Variants in ANO10 observed in about 807,000 individuals in gnomAD.
ANO10 encodes the protein anoctamin 10, also known as anoctamin-10.
ANO10 carries 77 observed loss-of-function variants against 74.7 expected under a neutral mutation model. The observed-to-expected ratio is 1.03, with a 90% CI of 0.86 to 1.25. The LOEUF (loss-of-function observed/expected upper bound fraction) is 1.25, where lower values mean the gene tolerates loss of function less well. Ranked by LOEUF, ANO10 falls within the 50% of genes most tolerant of loss-of-function variation. ANO10 has a pLI of 0.00. For synonymous variants in ANO10, 279 were observed against 284.9 expected (o/e 0.98, Z 0.21); for missense variants, 721 against 778.1 (o/e 0.93, Z 0.87).
intron 11 of ANO10, among the ~76,000 whole-genome samples, chr3:43,497,712 T>C (rs2076964816): frequency 6.6e-6 from 1 of 152,148 alleles, no homozygotes; most frequent in Non-Finnish European, 1.5e-5. Flanking sequence ...AACCTTCCTA[T>C]GCCTGTGGTT....
chr3:43,517,807 C>T (rs1258832593), intron 11 of ANO10, among the ~76,000 whole-genome samples: 1 of 152,106 alleles, frequency 6.6e-6, no homozygotes, highest in Admixed American at 6.6e-5. Context: ...ATTGGTTTAC[C>T]TTGGTTAACA....
At chr3:43,441,316 C>T (rs998228148) in intron 11 of ANO10, among the ~76,000 whole-genome samples, 27 of 151,300 alleles carry the variant, frequency 1.8e-4, no homozygotes, top group African/African-American at 5.3e-4. Context: ...GACTCATATA[C>T]CAAAAATCAG....
intron 3 of ANO10, 104 bp from the exon 4 acceptor site, chr3:43,598,770 A>G (rs956632987): frequency 1.1e-6 from 1 of 883,902 alleles, no homozygotes. Context: ...AGCAATTAAC[A>G]TAAGAAGTAA....
intron 11 of ANO10, among the ~76,000 whole-genome samples, chr3:43,501,591 G>C (rs2077102024): frequency 6.6e-6 from 1 of 152,168 alleles, no homozygotes; most frequent in Non-Finnish European, 1.5e-5. Context: ...GCAAAGGGAA[G>C]AGAGGTTGAA....
intron 11 of ANO10, among the ~76,000 whole-genome samples, chr3:43,472,158 A>G (rs989743980): frequency 6.6e-6 from 1 of 152,220 alleles, no homozygotes; most frequent in African/African-American, 2.4e-5. Flanking sequence ...TATGTACTAT[A>G]TGATTCCATT....
intron 11 of ANO10, among the ~76,000 whole-genome samples, chr3:43,542,273 A>C (rs4682892): frequency 0.22 from 33,812 of 152,126 alleles, 4,297 homozygotes; most frequent in Middle Eastern, 0.36. Flanking sequence ...AGTCAGAATC[A>C]GCAAGTCTTG....
intron 11 of ANO10, chr3:43,485,209 G>T: frequency 2.9e-6 from 2 of 683,312 alleles, no homozygotes; most frequent in Admixed American, 2.1e-5. Flanking sequence ...CGGTATTGCC[G>T]GTACATGTTG....
chr3:43,525,034 C>T (rs2078128607), intron 11 of ANO10, among the ~76,000 whole-genome samples: 1 of 152,164 alleles, frequency 6.6e-6, no homozygotes, highest in South Asian at 2.1e-4. Context: ...CCAAGTTGAG[C>T]AAGACAAGGG....
At chr3:43,394,311 C>T (rs952828789) in intron 12 of ANO10, among the ~76,000 whole-genome samples, 1 of 152,130 alleles carries the variant, frequency 6.6e-6, no homozygotes, top group Non-Finnish European at 1.5e-5. Flanking sequence ...GCCTGGCAGG[C>T]AGCCACCCCT....
intron 11 of ANO10, among the ~76,000 whole-genome samples, chr3:43,542,094 T>C (rs920704458): frequency 9.8e-5 from 15 of 152,296 alleles, no homozygotes; most frequent in Admixed American, 2.0e-4. Context: ...GTAAAAAAGA[T>C]CTGCTGTAAA....
At chr3:43,634,965 AGAAG>A (rs1048438856) in intron 1 of ANO10, among the ~76,000 whole-genome samples, 2 of 152,132 alleles carry the variant, frequency 1.3e-5, no homozygotes, top group African/African-American at 4.8e-5. Flanking sequence ...CATTCCAGGA[AGAAG>A]GAAGACATGA....
At chr3:43,664,447 A>G (rs55962529) in intron 1 of ANO10, among the ~76,000 whole-genome samples, 11 of 152,330 alleles carry the variant, frequency 7.2e-5, no homozygotes, top group Non-Finnish European at 1.3e-4. Context: ...AACCTGGGCA[A>G]TACCATTCAG....
At chr3:43,428,025 C>T (rs1010549304) in intron 12 of ANO10, among the ~76,000 whole-genome samples, 13 of 151,532 alleles carry the variant, frequency 8.6e-5, no homozygotes, top group South Asian at 6.2e-4. Flanking sequence ...TTGTTACATA[C>T]GATATCTTTG....
upstream of ANO10, among the ~76,000 whole-genome samples, chr3:43,622,319 A>G (rs967471806): frequency 2.0e-5 from 3 of 152,100 alleles, no homozygotes; most frequent in South Asian, 6.2e-4. Context: ...TCCGGACGGC[A>G]GCGGGAGAGG....
chr3:43,493,218 T>C (rs974390421), intron 11 of ANO10, among the ~76,000 whole-genome samples: 3 of 151,788 alleles, frequency 2.0e-5, no homozygotes, highest in Non-Finnish European at 4.4e-5. Context: ...TAAGTGGGAG[T>C]TGAACAATGA....
chr3:43,449,900 C>T (rs1055272731), intron 11 of ANO10, among the ~76,000 whole-genome samples: 5 of 152,146 alleles, frequency 3.3e-5, no homozygotes, highest in Non-Finnish European at 7.3e-5. Context: ...AATAGAGAAT[C>T]CTCCCATCCA....
chr3:43,655,745 CCT>C (rs1223849368), intron 1 of ANO10, among the ~76,000 whole-genome samples: 1 of 151,932 alleles, frequency 6.6e-6, no homozygotes, highest in Non-Finnish European at 1.5e-5. Context: ...ATTCACAAAC[CCT>C]GAGCTAGACA....
intron 11 of ANO10, among the ~76,000 whole-genome samples, chr3:43,469,374 G>A (rs954157433): frequency 1.1e-4 from 16 of 152,086 alleles, no homozygotes; most frequent in South Asian, 6.2e-4. Flanking sequence ...GATTTGCCCC[G>A]CGGACAATTC....
chr3:43,480,159 G>C (rs1241201997), intron 11 of ANO10, among the ~76,000 whole-genome samples: 1 of 152,070 alleles, frequency 6.6e-6, no homozygotes, highest in Non-Finnish European at 1.5e-5. Context: ...ATACAGTTGA[G>C]AAAATCTCAA....
Sources: allele counts gnomAD v4.1 joint callset (sites outside exome capture counted in the v4.1 genomes callset), GRCh38; gene constraint gnomAD v4.1.1; transcripts MANE v1.5; gene names NCBI Gene and HGNC (gene_info 2026-07-23, HGNC 2026-07-21).